Variants in TUBGCP2 observed in about 807,000 individuals in gnomAD.
The protein encoded by TUBGCP2 is tubulin gamma complex component 2.
Under a neutral mutation model 92.2 loss-of-function variants are expected in TUBGCP2, and 55 were observed. The ratio of observed to expected loss-of-function variants is 0.60; its 90% CI spans 0.48 to 0.75. The LOEUF (loss-of-function observed/expected upper bound fraction) is 0.75. Ranked by LOEUF, TUBGCP2 falls within the 30% of genes least tolerant of loss-of-function variation. The pLI is 0.00. For synonymous variants in TUBGCP2, 533 were observed against 505.2 expected (o/e 1.06, Z -0.74); for missense variants, 1,093 against 1,188.9 (o/e 0.92, Z 1.19).
intron 6 of TUBGCP2, 90 bp downstream of exon 6, chr10:133,293,472 G>T (rs1019804102): frequency 7.0e-6 from 10 of 1,431,898 alleles, no homozygotes; most frequent in Non-Finnish European, 9.5e-6. Context: ...CTCTTTAGAA[G>T]CGATGCAGAC....
chr10:133,311,685 A>G (rs1196882033), upstream of TUBGCP2: 2 of 1,588,634 alleles, frequency 1.3e-6, no homozygotes. Context: ...GGAGCCGTGC[A>G]GGGCAGTTAC....
At chr10:133,304,357 A>T (rs928956279) in intron 1 of TUBGCP2, among the ~76,000 whole-genome samples, 7 of 152,248 alleles carry the variant, frequency 4.6e-5, no homozygotes, top group Non-Finnish European at 1.0e-4. Context: ...AACAAATATA[A>T]GCAAACTTTA....
upstream of TUBGCP2, chr10:133,309,700 A>C: frequency 6.4e-7 from 1 of 1,555,112 alleles, no homozygotes; most frequent in African/African-American, 1.4e-5. Context: ...GGACGTCTCA[A>C]AGGGAAACTG....
chr10:133,287,720 G>A lies in TUBGCP2; in HGVS notation c.1722+409C>T, dbSNP rs1258361385. On this transcript the variant is annotated intron_variant, in intron 11 of 17. Transcript: ENST00000252936. ...CATGCCACTGCACTCCAGCCTGGGT[G>A]ACAAGAGCAAAACTCCGTCTCAAAA... is the stretch of plus-strand genomic sequence containing the variant. 5.3e-5 allele frequency among the ~76,000 whole-genome samples: 8 copies of A among 149,618 alleles called. No individual in the cohort carries two copies. The East Asian group carries it at 1.6e-3, about 30-fold the overall frequency.
At chr10:133,304,410 G>A (rs1248685730) in intron 1 of TUBGCP2, among the ~76,000 whole-genome samples, 3 of 152,294 alleles carry the variant, frequency 2.0e-5, no homozygotes, top group South Asian at 4.1e-4. Flanking sequence ...TTCTTAAGCC[G>A]GTATCCATGA....
intron 1 of TUBGCP2, among the ~76,000 whole-genome samples, chr10:133,307,052 C>CG (rs1847839232): frequency 6.6e-6 from 1 of 152,140 alleles, no homozygotes; most frequent in African/African-American, 2.4e-5. Context: ...AGGGCAAGGG[C>CG]GGGGGATGCT....
intron 1 of TUBGCP2, among the ~76,000 whole-genome samples, chr10:133,303,658 G>A (rs1031539729): frequency 1.3e-5 from 2 of 152,188 alleles, no homozygotes; most frequent in Non-Finnish European, 2.9e-5. Context: ...CAGAGCCCGC[G>A]GTGCTCAGCC....
intron 11 of TUBGCP2, among the ~76,000 whole-genome samples, chr10:133,286,587 C>G (rs931612756): frequency 6.6e-6 from 1 of 151,904 alleles, no homozygotes; most frequent in South Asian, 2.1e-4. Context: ...CCCGCGCGCA[C>G]GGAACCGAGG....
chr10:133,291,166 T>A (rs1362638273), intron 8 of TUBGCP2: 1 of 383,602 alleles, frequency 2.6e-6, no homozygotes, highest in Non-Finnish European at 4.5e-6. Flanking sequence ...CAGGCGGACA[T>A]CTGCCCGGGG....
At position 133,293,239 on chromosome 10, in the gene TUBGCP2, C is replaced by A; in HGVS notation, c.825-1G>T. On this transcript the variant is annotated splice_acceptor_variant, in intron 6 of 17. Transcript: ENST00000252936. LOFTEE classifies it high-confidence loss of function. ...GAAGGAAGACTTCTCTTCAATGAAC[C>A]TGGAAGAAAAGCTGTCAGACTTCCT... 5 of 1,612,768 alleles carry A rather than the reference C, an allele frequency of 3.1e-6. No homozygotes were observed. The highest frequency in any genetic ancestry group is 3.4e-6 in the Non-Finnish European group (4 of 1,179,448).
In TUBGCP2 at chr10:133,288,225, C is replaced by T. The variant is rs118028039; in HGVS notation, c.1626G>A (p.Pro542=). ...MDLAEEELRK[P]VEDITPPRLE... is the part of the protein sequence containing the mutation. The stretch of plus-strand genomic sequence containing the variant: ...GGCGAGGGGGCGTGATGTCCTCCAC[C>T]GGCTTCCGGAGCTCCTCCTCCGCGA... The change falls in exon 11 of 18, where the codon CCG becomes CCA. Residue 542 remains proline, a synonymous_variant. Coordinates refer to ENST00000252936, the MANE Select transcript of TUBGCP2 (RefSeq NM_006659.4). 2.9e-4 allele frequency: 476 copies of T among 1,613,824 alleles called. No individual in the cohort carries two copies. The highest frequency in any genetic ancestry group is 3.8e-4 in the Non-Finnish European group (445 of 1,179,952).
chr10:133,309,713 C>A, upstream of TUBGCP2: 1 of 1,580,946 alleles, frequency 6.3e-7, no homozygotes, highest in Non-Finnish European at 8.7e-7. Flanking sequence ...GGAAACTGTG[C>A]AGAAAGTCCA....
At chr10:133,303,397 G>A (rs1361796749) in intron 1 of TUBGCP2, among the ~76,000 whole-genome samples, 7 of 152,246 alleles carry the variant, frequency 4.6e-5, no homozygotes, top group South Asian at 2.1e-4. Context: ...AGCCAGCCCC[G>A]TGGGCAGCAT....
In TUBGCP2 at chr10:133,281,866, G is replaced by A. The variant is rs542835670; in HGVS notation, c.2409+357C>T. ...GCCGGCGCCGCAGGGCCATGCCTCC[G>A]AGGACATGCAGCCTGTCCGTGCCTG... On this transcript the variant is annotated intron_variant, in intron 16 of 17. Coordinates refer to ENST00000252936, the MANE Select transcript of TUBGCP2 (RefSeq NM_006659.4). 2.6e-5 allele frequency among the ~76,000 whole-genome samples: 4 copies of A among 152,378 alleles called. No individual in the cohort carries two copies. In the South Asian group the frequency reaches 8.3e-4, roughly 32 times the overall value.
intron 4 of TUBGCP2, among the ~76,000 whole-genome samples, chr10:133,298,873 G>A (rs1245023858): frequency 1.3e-5 from 2 of 152,264 alleles, no homozygotes; most frequent in Non-Finnish European, 2.9e-5. Context: ...AGGCTAGGAC[G>A]CCTCAGGGAC....
In TUBGCP2 at chr10:133,289,819, C is replaced by T. The variant is rs533085979; in HGVS notation, c.1360+5G>A. 5.0e-6 allele frequency: 8 copies of T among 1,612,728 alleles called. No individual in the cohort carries two copies. Among genetic ancestry groups the T allele is most frequent in the Middle Eastern group, 1.7e-4 (1 of 6,012 alleles). ...CACCCCAAGTCCCCGCCCGCTGCGC[C>T]GCACCTGTGCTGAGGATCTTGTCCG... On this transcript the variant is annotated splice_donor_5th_base_variant and intron_variant, in intron 9 of 17. Transcript: ENST00000252936.
At chr10:133,305,651 G>A (rs1470396683) in intron 1 of TUBGCP2, among the ~76,000 whole-genome samples, 1 of 152,004 alleles carries the variant, frequency 6.6e-6, no homozygotes, top group East Asian at 1.9e-4. Flanking sequence ...ATTCACTAAC[G>A]ATTATTAGCA....
chr10:133,292,952 G>T, intron 7 of TUBGCP2, 87 bp downstream of exon 7: 2 of 1,452,200 alleles, frequency 1.4e-6, no homozygotes. Context: ...CTGCTCCACG[G>T]CCCCTGCAGA....
intron 7 of TUBGCP2, 30 bp downstream of exon 7, chr10:133,293,009 C>G (rs374416158): frequency 6.2e-6 from 10 of 1,607,776 alleles, no homozygotes; most frequent in Non-Finnish European, 7.6e-6. Context: ...CCACCCACCA[C>G]TGCCCCATGC....
Sources: gnomAD v4.1 joint callset for allele counts (sites outside exome capture counted in the v4.1 genomes callset) on GRCh38, gnomAD v4.1.1 for gene constraint, MANE v1.5 for transcripts, NCBI Gene and HGNC (gene_info 2026-07-23, HGNC 2026-07-21) for gene names.